SAMMSON: variants seen among roughly 807,000 people sequenced by gnomAD.
SAMMSON encodes survival associated mitochondrial melanoma specific oncogenic non-coding RNA, also known as long intergenic non-protein coding RNA 1212.
chr3:70,072,211 A>G lies in SAMMSON; in HGVS notation n.507+646A>G, dbSNP rs1000163894. 3.3e-5 allele frequency: 5 copies of G among 151,868 alleles called. No individual in the cohort carries two copies. The East Asian group carries it at 9.7e-4, about 30-fold the overall frequency. 9.4% of individuals were successfully genotyped at this position (151,868 alleles called of 1,614,324 possible). ...GTTGTTCCAGGTTTTTTCTGGGTTT[A>G]CTGAAACTCCAAATCGACTACTCAG... On this transcript the variant is annotated intron_variant and non_coding_transcript_variant, in intron 4 of 9. Transcript: ENST00000642114.
intron 6 of SAMMSON, among the ~76,000 whole-genome samples, chr3:70,255,280 C>T (rs1346463122): frequency 6.6e-6 from 1 of 152,130 alleles, no homozygotes; most frequent in African/African-American, 2.4e-5. Flanking sequence ...TAAAACAAAA[C>T]TTCTATGAAA....
intron 4 of SAMMSON, among the ~76,000 whole-genome samples, chr3:70,236,908 T>C (rs1436657381): frequency 1.3e-5 from 2 of 152,204 alleles, no homozygotes; most frequent in East Asian, 3.8e-4. Context: ...AAAACCTTTA[T>C]TTATGTAAAA....
At chr3:70,268,706 T>C (rs1701947087) in intron 6 of SAMMSON, among the ~76,000 whole-genome samples, 1 of 152,210 alleles carries the variant, frequency 6.6e-6, no homozygotes, top group Admixed American at 6.5e-5. Context: ...TTTAAGAGCT[T>C]CTTTTTAAAA....
At chr3:70,267,678 A>C (rs13079215) in intron 6 of SAMMSON, among the ~76,000 whole-genome samples, 60,236 of 149,890 alleles carry the variant, frequency 0.4, 13,270 homozygotes, top group Non-Finnish European at 0.51. Flanking sequence ...GGCCTCCCAG[A>C]GTGCTGGGAT....
intron 6 of SAMMSON, among the ~76,000 whole-genome samples, chr3:70,289,112 C>A (rs1442891003): frequency 6.6e-6 from 1 of 151,226 alleles, no homozygotes; most frequent in Non-Finnish European, 1.5e-5. Flanking sequence ...TTGATGTTAG[C>A]TGGTGATTTT....
At chr3:70,310,814 A>G (rs559488899) in intron 7 of SAMMSON, among the ~76,000 whole-genome samples, 2 of 152,000 alleles carry the variant, frequency 1.3e-5, no homozygotes, top group South Asian at 4.2e-4. Flanking sequence ...TAACTTAAAC[A>G]TTTTTTTTCT....
At chr3:70,154,417 A>G (rs1449269030) in intron 4 of SAMMSON, among the ~76,000 whole-genome samples, 2 of 152,048 alleles carry the variant, frequency 1.3e-5, no homozygotes, top group Non-Finnish European at 2.9e-5. Flanking sequence ...TCATAAGGCC[A>G]GGCTGTCTGG....
intron 4 of SAMMSON, among the ~76,000 whole-genome samples, chr3:70,242,810 T>G (rs1701675344): frequency 6.6e-6 from 1 of 152,158 alleles, no homozygotes; most frequent in Non-Finnish European, 1.5e-5. Flanking sequence ...GCATTGGTAA[T>G]CTAATTTTTG....
At chr3:70,099,607 A>G (rs1159817395) in intron 4 of SAMMSON, among the ~76,000 whole-genome samples, 5 of 152,150 alleles carry the variant, frequency 3.3e-5, no homozygotes, top group Non-Finnish European at 5.9e-5. Context: ...TTGTTTGTCA[A>G]TTATATGTTT....
chr3:70,254,908 G>A (rs538589499), intron 6 of SAMMSON, among the ~76,000 whole-genome samples: 28 of 152,122 alleles, frequency 1.8e-4, no homozygotes, highest in Middle Eastern at 3.4e-3. Context: ...TTCCTTTTCC[G>A]ACTGTAACAT....
At chr3:70,290,841 CCTTT>C (rs979796567) in intron 6 of SAMMSON, among the ~76,000 whole-genome samples, 29 of 152,168 alleles carry the variant, frequency 1.9e-4, no homozygotes, top group African/African-American at 7.0e-4. Context: ...GGTCCTCACC[CCTTT>C]CTTTGACTAG....
chr3:70,244,032 T>C (rs1379267663), intron 4 of SAMMSON, among the ~76,000 whole-genome samples: 2 of 152,198 alleles, frequency 1.3e-5, no homozygotes, highest in Non-Finnish European at 2.9e-5. Flanking sequence ...GACTCACATA[T>C]GGAAGATTCT....
intron 4 of SAMMSON, among the ~76,000 whole-genome samples, chr3:70,232,834 C>T (rs562477033): frequency 6.6e-6 from 1 of 152,218 alleles, no homozygotes; most frequent in African/African-American, 2.4e-5. Flanking sequence ...TGATTCTCTC[C>T]TTTGTACAGA....
intron 4 of SAMMSON, among the ~76,000 whole-genome samples, chr3:70,150,931 T>C (rs1328186645): frequency 6.6e-6 from 1 of 152,036 alleles, no homozygotes; most frequent in Non-Finnish European, 1.5e-5. Flanking sequence ...TGAGTAGGGC[T>C]ATACTAAAAA....
At chr3:70,255,254 G>C (rs1005357358) in intron 6 of SAMMSON, among the ~76,000 whole-genome samples, 1 of 152,086 alleles carries the variant, frequency 6.6e-6, no homozygotes, top group Admixed American at 6.6e-5. Flanking sequence ...GTGGACCAAT[G>C]ACACATAAAT....
chr3:70,011,883 A>G (rs1451725113), intron 1 of SAMMSON, among the ~76,000 whole-genome samples: 1 of 152,134 alleles, frequency 6.6e-6, no homozygotes, highest in Non-Finnish European at 1.5e-5. Flanking sequence ...CACAAGTATT[A>G]AAGAGAGAAC....
intron 4 of SAMMSON, among the ~76,000 whole-genome samples, chr3:70,230,765 T>C (rs1701552137): frequency 6.6e-6 from 1 of 152,206 alleles, no homozygotes; most frequent in South Asian, 2.1e-4. Flanking sequence ...CCTTGAGTTT[T>C]AAAGGCAATG....
chr3:70,277,205 G>C (rs1262760129), intron 6 of SAMMSON, among the ~76,000 whole-genome samples: 1 of 152,102 alleles, frequency 6.6e-6, no homozygotes, highest in South Asian at 2.1e-4. Context: ...AACATAGCCC[G>C]TATCTCCAGC....
At chr3:70,000,781 A>G (rs951760963) in intron 1 of SAMMSON, among the ~76,000 whole-genome samples, 1 of 152,230 alleles carries the variant, frequency 6.6e-6, no homozygotes, top group African/African-American at 2.4e-5. Context: ...TCAGCTTGCT[A>G]TCATCAAGCT....
Sources: gnomAD v4.1 joint callset for allele counts (sites outside exome capture counted in the v4.1 genomes callset) on GRCh38, gnomAD v4.1.1 for gene constraint, MANE v1.5 for transcripts, NCBI Gene and HGNC (gene_info 2026-07-23, HGNC 2026-07-21) for gene names.